The following OPRL1 variants were observed in gnomAD, a reference collection of about 807,000 sequenced individuals.
The protein encoded by OPRL1 is opioid related nociceptin receptor 1.
OPRL1 carries 5 observed loss-of-function variants against 15.5 expected under a neutral mutation model. The observed-to-expected ratio is 0.32, with a 90% CI of 0.17 to 0.68. The LOEUF (loss-of-function observed/expected upper bound fraction) is 0.68. Among genes scored for constraint, OPRL1 ranks in the 30% least tolerant of loss-of-function variants. The pLI is 0.72. For missense variants in OPRL1, 406 were observed against 515.3 expected (o/e 0.79, Z 2.05); for synonymous variants, 223 against 230.2 (o/e 0.97, Z 0.28).
Position 64,083,507 on chromosome 20 carries a change from G to C in OPRL1, c.-185+3155G>C, listed in dbSNP as rs1243304481. The stretch of plus-strand genomic sequence containing the variant: ...CCACGCGCCTCCGCTGCCGGGGAGA[G>C]AGGCTGGGGTCCGGCGTGTGCGGAG... On this transcript the variant is annotated intron_variant, in intron 1 of 4. Transcript: ENST00000336866. The surrounding 1 kb of genome is among the most constrained non-coding windows in gnomAD (Gnocchi z 4.9). The C allele has an allele frequency of 3.8e-6, 6 of 1,583,926 alleles. No homozygotes were observed. The highest frequency in any genetic ancestry group is 5.1e-6 in the Non-Finnish European group (6 of 1,166,460).
intron 1 of OPRL1, among the ~76,000 whole-genome samples, chr20:64,088,835 G>A (rs113735524): frequency 2.4e-5 from 3 of 127,388 alleles, no homozygotes; most frequent in African/African-American, 5.8e-5. Context: ...TGTGCAGGGA[G>A]GGCAGGATCT....
chr20:64,086,650 ACTC>A, intron 1 of OPRL1: 1 of 195,184 alleles, frequency 5.1e-6, no homozygotes, highest in South Asian at 6.9e-5. Flanking sequence ...AGAAGCTACA[ACTC>A]AATTTTTTTT....
At chr20:64,091,446 T>C (rs2060115565) in intron 1 of OPRL1, among the ~76,000 whole-genome samples, 1 of 152,244 alleles carries the variant, frequency 6.6e-6, no homozygotes, top group Non-Finnish European at 1.5e-5. Context: ...CTTCGTGCTC[T>C]CAGCAGTGGC....
intron 1 of OPRL1, chr20:64,084,260 C>G: frequency 7.4e-7 from 1 of 1,344,086 alleles, no homozygotes; most frequent in South Asian, 1.8e-5. Flanking sequence ...CCGTCGGTGC[C>G]GGGGCTGGCA....
chr20:64,082,557 G>A (rs1377607551), intron 1 of OPRL1, among the ~76,000 whole-genome samples: 1 of 152,182 alleles, frequency 6.6e-6, no homozygotes, highest in African/African-American at 2.4e-5. Flanking sequence ...CAGGAGGAGC[G>A]GTTTGTCTGA....
chr20:64,088,369 C>G (rs1218520526), intron 1 of OPRL1, among the ~76,000 whole-genome samples: 3 of 150,490 alleles, frequency 2.0e-5, no homozygotes, highest in Non-Finnish European at 3.0e-5. Context: ...GTGCAGCGTG[C>G]AGGATCTTTG....
intron 2 of OPRL1, 29 bp from the exon 3 acceptor site, chr20:64,092,659 C>T: frequency 6.5e-7 from 1 of 1,536,624 alleles, no homozygotes; most frequent in Non-Finnish European, 8.9e-7. Flanking sequence ...TCTGGCACTG[C>T]AGCCACTTGT....
Position 64,090,010 on chromosome 20 carries a change from G to A in OPRL1, c.-184-1956G>A, listed in dbSNP as rs1415976531. Among the ~76,000 whole-genome samples the A allele has an allele frequency of 1.3e-5, 2 of 152,238 alleles. No individual in the cohort carries two copies. Among genetic ancestry groups the A allele is most frequent in the African/African-American group, 2.4e-5 (1 of 41,460 alleles). On this transcript the variant is annotated intron_variant, in intron 1 of 4. Transcript: ENST00000336866. The surrounding 1 kb of genome is among the most constrained non-coding windows in gnomAD (Gnocchi z 4.9). ...CACCCTCGAGCTTTGCCTGGAGAGC[G>A]TGTTTGTGCATGTGTGTGTCCTCTG... is the stretch of plus-strand genomic sequence containing the variant.
rs889245429 is a variant in OPRL1, at chr20:64,097,705, C to G, written c.234-97C>G. 4.7e-5 allele frequency: 51 copies of G among 1,076,372 alleles called. No individual in the cohort carries two copies. Among genetic ancestry groups the G allele is most frequent in the Non-Finnish European group, 6.5e-5 (47 of 722,250 alleles). 66.7% of individuals were successfully genotyped at this position (1,076,372 alleles called of 1,614,324 possible). On this transcript the variant is annotated intron_variant, in intron 3 of 4. Transcript: ENST00000336866. The surrounding 1 kb of genome is among the most constrained non-coding windows in gnomAD (Gnocchi z 4.2). The stretch of plus-strand genomic sequence containing the variant: ...TCTGATGTTAAGGGACTCAGGGCCA[C>G]TGTAGCTTGTGGTGGCCAAGAGGAG...
chr20:64,099,052 G>C lies in OPRL1; in HGVS notation c.*253G>C. The C allele has an allele frequency of 1.9e-6, 1 of 519,002 alleles. No individual in the cohort carries two copies. Among genetic ancestry groups the C allele is most frequent in the Non-Finnish European group, 3.3e-6 (1 of 300,516 alleles). 32.1% of individuals were successfully genotyped at this position (519,002 alleles called of 1,614,324 possible). The stretch of plus-strand genomic sequence containing the variant: ...AGACTAAAGCTGCCCTCCTGGTGCA[G>C]GGCCGAGGGGACACAAGGACCTACC... On this transcript the variant is annotated 3_prime_UTR_variant, in exon 5 of 5. Coordinates refer to ENST00000336866, the MANE Select transcript of OPRL1 (RefSeq NM_182647.4).
At position 64,092,882 on chromosome 20, in the gene OPRL1, C is replaced by T. The variant is rs2229204; in HGVS notation, c.162C>T (p.Ile54=). 76 of 1,612,746 alleles carry T rather than the reference C, an allele frequency of 4.7e-5. No individual in the cohort carries two copies. The African/African-American group carries it at 7.1e-4, about 15-fold the overall frequency. Residue 54 remains isoleucine (I), a synonymous_variant, in exon 3 of 5, where the codon ATC becomes ATT. Coordinates refer to ENST00000336866, the MANE Select transcript of OPRL1 (RefSeq NM_182647.4). Reference sequence around the variant, plus strand: ...TGCCCCTCGGGCTCAAGGTCACCATCGTGGGGCTCTACCTGGCCGTGTGTG... The same window carrying T: ...TGCCCCTCGGGCTCAAGGTCACCATTGTGGGGCTCTACCTGGCCGTGTGTG... ...AFLPLGLKVT[I]VGLYLAVCVG... is the part of the protein sequence containing the mutation.
Position 64,083,864 on chromosome 20 carries a change from G to A in OPRL1, c.-185+3512G>A. 7.0e-7 allele frequency: 1 copy of A among 1,419,328 alleles called. No individual in the cohort carries two copies. Among genetic ancestry groups the A allele is most frequent in the South Asian group, 1.4e-5 (1 of 69,264 alleles). The allele number at this position is 1,419,328 out of a possible 1,614,324, so 87.9% of individuals were successfully genotyped here. A position where few individuals can be genotyped will look rare whatever the true frequency, so the allele number is the denominator to read the frequency against. On this transcript the variant is annotated intron_variant, in intron 1 of 4. Transcript: ENST00000336866. The surrounding 1 kb of genome is among the most constrained non-coding windows in gnomAD (Gnocchi z 4.9). ...CCGCAGGGCGCGGACTCGCCCGCGG[G>A]CCTCCGCTGCCTTGAGGACGCCGAG...
chr20:64,092,289 G>C (rs1233167956), intron 2 of OPRL1, among the ~76,000 whole-genome samples, 173 bp downstream of exon 2: 2 of 152,176 alleles, frequency 1.3e-5, no homozygotes, highest in Non-Finnish European at 2.9e-5. Flanking sequence ...CTGTGTGTCT[G>C]TGTGTGTGAC....
In OPRL1 at chr20:64,083,605, G is replaced by A. The variant is rs762892500; in HGVS notation, c.-185+3253G>A. The A allele has an allele frequency of 2.7e-5, 40 of 1,482,790 alleles. No homozygotes were observed. In the African/African-American group the frequency reaches 5.2e-4, roughly 19 times the overall value. The allele number at this position is 1,482,790 out of a possible 1,614,324, so 91.9% of individuals were successfully genotyped here. On this transcript the variant is annotated intron_variant, in intron 1 of 4. Coordinates refer to ENST00000336866, the MANE Select transcript of OPRL1 (RefSeq NM_182647.4). This position sits in a 1 kb window ranked among gnomAD's most constrained non-coding sequence, Gnocchi z 4.9. ...CACCTCTTGGCGGTCCAGGGGGTCC[G>A]GGATCCGCGCGGGCTTCAGCTGCGG...
At chr20:64,088,328 C>A (rs941894191) in intron 1 of OPRL1, among the ~76,000 whole-genome samples, 3 of 151,484 alleles carry the variant, frequency 2.0e-5, no homozygotes, top group African/African-American at 7.3e-5. Flanking sequence ...GGAGTCTCTG[C>A]GGGGAGGACT....
In OPRL1 at chr20:64,083,661, G is replaced by T; in HGVS notation, c.-185+3309G>T. On this transcript the variant is annotated intron_variant, in intron 1 of 4. Coordinates refer to ENST00000336866, the MANE Select transcript of OPRL1 (RefSeq NM_182647.4). The surrounding 1 kb of genome is among the most constrained non-coding windows in gnomAD (Gnocchi z 4.9). ...GGAACAGCTCCAGCCGGATGGCGGC[G>T]CGCGCGGACTTCTGCCGCTGGATGA... The T allele has an allele frequency of 7.0e-7, 1 of 1,437,402 alleles. No individual in the cohort carries two copies. The highest frequency in any genetic ancestry group is 9.1e-7 in the Non-Finnish European group (1 of 1,101,780). 89.0% of individuals were successfully genotyped at this position (1,437,402 alleles called of 1,614,324 possible). A position where few individuals can be genotyped will look rare whatever the true frequency, so the allele number is the denominator to read the frequency against.
At chr20:64,084,342 C>A (rs1315286829) in intron 1 of OPRL1, 3 of 1,288,126 alleles carry the variant, frequency 2.3e-6, no homozygotes, top group Admixed American at 4.3e-5. Flanking sequence ...TCTCCGCAGT[C>A]GGTTTTGAGT....
intron 1 of OPRL1, among the ~76,000 whole-genome samples, chr20:64,081,496 C>G (rs2059966949): frequency 1.3e-5 from 2 of 152,168 alleles, no homozygotes; most frequent in Non-Finnish European, 2.9e-5. Context: ...TCGGGTCACT[C>G]TACAACCCCC....
chr20:64,088,596 G>GGGA (rs2060078441), intron 1 of OPRL1, among the ~76,000 whole-genome samples: 1 of 5,228 alleles, frequency 1.9e-4, no homozygotes, highest in African/African-American at 4.4e-4. Context: ...ATCTGTGCAA[G>GGGA]GGGTAGGATC....
Sources: gnomAD v4.1 joint callset for allele counts (sites outside exome capture counted in the v4.1 genomes callset) on GRCh38, gnomAD v4.1.1 for gene constraint, Gnocchi (gnomAD v3.1) non-coding constraint, MANE v1.5 for transcripts, NCBI Gene and HGNC (gene_info 2026-07-23, HGNC 2026-07-21) for gene names.